Variants in ADAM20 observed in about 807,000 individuals in gnomAD.
ADAM20 encodes ADAM metallopeptidase domain 20, also known as disintegrin and metalloproteinase domain-containing protein 20.
For missense variants in ADAM20, 871 were observed against 883.2 expected, an observed-to-expected ratio of 0.99 and a Z score of 0.18; for synonymous variants, 305 against 310.2, an observed-to-expected ratio of 0.98 and a Z score of 0.18.
At chr14:70,565,582 T>C in the ADAM20 span, among the ~76,000 whole-genome samples, 8 of 152,288 alleles carry the variant, frequency 5.3e-5, no homozygotes, top group African/African-American at 1.7e-4. Flanking sequence ...TCAGAAACTA[T>C]GCAGGCCAAG....
chr14:70,524,317 T>A lies in ADAM20; in HGVS notation c.441A>T (p.Pro147=), dbSNP rs1355335020. ...QINDLVYEIK[P]ISVSATFEHL... ...GTTCAAATGTGGCAGAAACACTAAT[T>A]GGCTTGATTTCATAAACAAGGTCAT... Residue 147 remains proline (P), a synonymous_variant, in exon 2 of 2, where the codon CCA becomes CCT. Transcript: ENST00000256389. 1 of 1,614,040 alleles carries A rather than the reference T, an allele frequency of 6.2e-7. No individual in the cohort carries two copies. The highest frequency in any genetic ancestry group is 1.1e-5 in the South Asian group (1 of 91,078).
chr14:70,577,613 A>C, the ADAM20 span, among the ~76,000 whole-genome samples: 4 of 152,118 alleles, frequency 2.6e-5, no homozygotes, highest in African/African-American at 9.7e-5. Context: ...AAACATAACA[A>C]AATTGGAGTT....
intron 1 of ADAM20, 43 bp downstream of exon 1, chr14:70,534,754 G>T: frequency 6.6e-6 from 1 of 152,120 alleles, no homozygotes; most frequent in Non-Finnish European, 1.5e-5. Flanking sequence ...ACAATAATGT[G>T]CATATAGTTA....
intron 1 of ADAM20, among the ~76,000 whole-genome samples, chr14:70,525,399 G>C (rs1883568434): frequency 2.0e-5 from 3 of 151,710 alleles, no homozygotes; most frequent in African/African-American, 2.4e-5. Flanking sequence ...TTTTTTTTGG[G>C]GGGATAGAGA....
the ADAM20 span, among the ~76,000 whole-genome samples, chr14:70,572,821 A>C: frequency 6.6e-6 from 1 of 152,184 alleles, no homozygotes; most frequent in Non-Finnish European, 1.5e-5. Context: ...GCAGCCAAAA[A>C]ACATGAAAAA....
At chr14:70,532,893 T>C (rs946643911) in intron 1 of ADAM20, among the ~76,000 whole-genome samples, 3 of 152,108 alleles carry the variant, frequency 2.0e-5, no homozygotes, top group Non-Finnish European at 4.4e-5. Context: ...AAAATATATA[T>C]ATATGGCCAA....
chr14:70,540,055 ATT>A, the ADAM20 span, among the ~76,000 whole-genome samples: 1 of 152,012 alleles, frequency 6.6e-6, no homozygotes, highest in South Asian at 2.1e-4. Flanking sequence ...TAATTTTTGT[ATT>A]TTTAGTAGAG....
At chr14:70,557,692 A>G in the ADAM20 span, among the ~76,000 whole-genome samples, 101 of 152,352 alleles carry the variant, frequency 6.6e-4, no homozygotes, top group African/African-American at 2.3e-3. Flanking sequence ...CATGGGCTGC[A>G]TGTGGGCCAG....
upstream of ADAM20, among the ~76,000 whole-genome samples, chr14:70,536,978 C>G (rs1036924257): frequency 2.2e-4 from 34 of 151,896 alleles, no homozygotes; most frequent in African/African-American, 8.2e-4. Context: ...AGAAGCCCCT[C>G]TCAGGTTTAT....
chr14:70,539,695 T>G (rs1034830724), upstream of ADAM20, among the ~76,000 whole-genome samples: 17 of 152,348 alleles, frequency 1.1e-4, no homozygotes, highest in African/African-American at 4.1e-4. Flanking sequence ...TGTTAGAAAT[T>G]ACTGATGCAC....
At chr14:70,530,336 A>G (rs1206575811) in intron 1 of ADAM20, among the ~76,000 whole-genome samples, 1 of 152,120 alleles carries the variant, frequency 6.6e-6, no homozygotes, top group African/African-American at 2.4e-5. Flanking sequence ...GTCATCTCCT[A>G]TGATCACAAT....
chr14:70,533,143 C>T (rs931655764), intron 1 of ADAM20, among the ~76,000 whole-genome samples: 27 of 152,184 alleles, frequency 1.8e-4, no homozygotes, highest in African/African-American at 6.0e-4. Context: ...TGCTTTTACA[C>T]TGTTGGCGAG....
At chr14:70,566,211 A>G in the ADAM20 span, among the ~76,000 whole-genome samples, 1 of 152,216 alleles carries the variant, frequency 6.6e-6, no homozygotes, top group Non-Finnish European at 1.5e-5. Context: ...TTTTAACCCT[A>G]ATATAAATGT....
the ADAM20 span, among the ~76,000 whole-genome samples, chr14:70,541,402 G>A: frequency 6.6e-6 from 1 of 152,196 alleles, no homozygotes; most frequent in Non-Finnish European, 1.5e-5. Flanking sequence ...AAATAAAAAT[G>A]AAGGGTTAAG....
rs76438186 is a variant in ADAM20, at chr14:70,533,764, T to TA, written c.-177+1032dup. On this transcript the variant is annotated intron_variant, in intron 1 of 1. Coordinates refer to ENST00000256389, the MANE Select transcript of ADAM20 (RefSeq NM_003814.5). ...CACATGTATCCTAGAACTTAAAATTTAAAAAAAAAAAACCCTCTTAGAAAA... is the reference window on the plus strand; with the variant it reads ...CACATGTATCCTAGAACTTAAAATTTAAAAAAAAAAAAACCCTCTTAGAAAA... Among the ~76,000 whole-genome samples the TA allele has an allele frequency of 7.2e-3, 1,023 of 142,928 alleles. 6 individuals carry two copies. The highest frequency in any genetic ancestry group is 0.018 in the African/African-American group (708 of 39,222). 93.8% of individuals were successfully genotyped at this position (142,928 alleles called of 152,430 possible). A position where few individuals can be genotyped will look rare whatever the true frequency, so the allele number is the denominator to read the frequency against.
chr14:70,569,083 G>C, the ADAM20 span, among the ~76,000 whole-genome samples: 2 of 152,058 alleles, frequency 1.3e-5, no homozygotes, highest in Non-Finnish European at 2.9e-5. Flanking sequence ...AGACTTCTCA[G>C]CAGAAACCTT....
upstream of ADAM20, among the ~76,000 whole-genome samples, chr14:70,535,985 T>C (rs1012458295): frequency 6.6e-6 from 1 of 152,174 alleles, no homozygotes; most frequent in East Asian, 1.9e-4. Flanking sequence ...CAGTAACTGA[T>C]AGAACAATTT....
chr14:70,526,493 T>A (rs1384981653), intron 1 of ADAM20, among the ~76,000 whole-genome samples: 1 of 152,160 alleles, frequency 6.6e-6, no homozygotes, highest in Non-Finnish European at 1.5e-5. Flanking sequence ...TTGGTATGTG[T>A]CATAGAGTTT....
chr14:70,566,441 G>C, the ADAM20 span, among the ~76,000 whole-genome samples: 1 of 151,120 alleles, frequency 6.6e-6, no homozygotes, highest in East Asian at 1.9e-4. Context: ...ACACAAAAGA[G>C]AAAGAGAAAA....
Sources: gnomAD v4.1 joint callset for allele counts (sites outside exome capture counted in the v4.1 genomes callset) on GRCh38, gnomAD v4.1.1 for gene constraint, MANE v1.5 for transcripts, NCBI Gene and HGNC (gene_info 2026-07-23, HGNC 2026-07-21) for gene names.